Variants in MAGI2 observed in about 807,000 individuals in gnomAD.
MAGI2 encodes membrane-associated guanylate kinase, WW and PDZ domain-containing protein 2.
Under a neutral mutation model 133.3 loss-of-function variants are expected in MAGI2, and 35 were observed. The ratio of observed to expected loss-of-function variants is 0.26; its 90% CI spans 0.20 to 0.35. MAGI2 has a LOEUF of 0.35. MAGI2 is among the 10% of genes least tolerant of loss of function. The pLI, the probability that MAGI2 is intolerant of heterozygous loss-of-function variation, is 1.00. For synonymous variants in MAGI2, 729 were observed against 710.6 expected (o/e 1.03, Z -0.41); for missense variants, 1,636 against 1,863.4 (o/e 0.88, Z 2.25).
At chr7:79,140,120 G>A (rs778424386) in intron 1 of MAGI2, among the ~76,000 whole-genome samples, 1 of 152,070 alleles carries the variant, frequency 6.6e-6, no homozygotes, top group African/African-American at 2.4e-5. Context: ...TCTTTAAATA[G>A]GTCATTTGAT....
intron 6 of MAGI2, among the ~76,000 whole-genome samples, chr7:78,437,090 T>C (rs1037058418): frequency 7.7e-6 from 1 of 130,564 alleles, no homozygotes; most frequent in Non-Finnish European, 1.8e-5. Context: ...GAAAATTCCC[T>C]ATCATAATGG....
At chr7:78,810,530 T>G (rs528122001) in intron 2 of MAGI2, among the ~76,000 whole-genome samples, 2 of 152,264 alleles carry the variant, frequency 1.3e-5, no homozygotes, top group African/African-American at 4.8e-5. Flanking sequence ...TATTAGTGCA[T>G]TGGTAGGAAA....
chr7:78,557,987 TA>T (rs1316773134), intron 3 of MAGI2, among the ~76,000 whole-genome samples: 1 of 151,326 alleles, frequency 6.6e-6, no homozygotes, highest in Non-Finnish European at 1.5e-5. Context: ...TTTTTTTTTT[TA>T]AAAAATAGTT....
At chr7:78,050,177 C>T (rs886088604) in intron 21 of MAGI2, among the ~76,000 whole-genome samples, 1 of 152,134 alleles carries the variant, frequency 6.6e-6, no homozygotes, top group Non-Finnish European at 1.5e-5. Context: ...CTAGCTATTA[C>T]GTATGTATTA....
intron 1 of MAGI2, among the ~76,000 whole-genome samples, chr7:79,243,655 T>C (rs983639920): frequency 1.3e-5 from 2 of 152,216 alleles, no homozygotes; most frequent in African/African-American, 2.4e-5. Context: ...GGGTAGGGGA[T>C]TGGTAAATGA....
intron 10 of MAGI2, among the ~76,000 whole-genome samples, chr7:78,223,912 A>G (rs969621471): frequency 3.3e-5 from 5 of 152,220 alleles, no homozygotes; most frequent in African/African-American, 1.2e-4. Context: ...CCAGGCATGT[A>G]GGGCACTTTT....
chr7:79,289,137 T>C (rs1836262131), intron 1 of MAGI2, among the ~76,000 whole-genome samples: 1 of 152,082 alleles, frequency 6.6e-6, no homozygotes, highest in East Asian at 1.9e-4. Flanking sequence ...GGGCTAAGAG[T>C]GGAACATCCA....
At chr7:78,988,615 A>G (rs1253559397) in intron 2 of MAGI2, among the ~76,000 whole-genome samples, 1 of 152,110 alleles carries the variant, frequency 6.6e-6, no homozygotes, top group Non-Finnish European at 1.5e-5. Context: ...TAAGCTAGCT[A>G]TTGAAAGAGA....
chr7:78,643,576 T>TA (rs1252917827), intron 2 of MAGI2, among the ~76,000 whole-genome samples: 1 of 152,106 alleles, frequency 6.6e-6, no homozygotes, highest in African/African-American at 2.4e-5. Context: ...GTTATTAAGA[T>TA]ACACACAATT....
At chr7:78,181,550 G>A (rs1041764375) in intron 13 of MAGI2, among the ~76,000 whole-genome samples, 1 of 152,166 alleles carries the variant, frequency 6.6e-6, no homozygotes, top group African/African-American at 2.4e-5. Flanking sequence ...GCATTCTTTG[G>A]ATATTAGTGT....
intron 1 of MAGI2, among the ~76,000 whole-genome samples, chr7:79,089,199 A>C (rs112375824): frequency 0.045 from 6,888 of 152,226 alleles, 243 homozygotes; most frequent in African/African-American, 0.088. Context: ...AAACATATGA[A>C]AAAAAGCTCA....
chr7:79,277,781 C>T (rs986660906), intron 1 of MAGI2, among the ~76,000 whole-genome samples: 8 of 152,138 alleles, frequency 5.3e-5, no homozygotes, highest in African/African-American at 1.4e-4. Flanking sequence ...ACTCCTTTCT[C>T]TGTCTCCTTG....
chr7:78,822,047 C>T (rs1337119628), intron 2 of MAGI2, among the ~76,000 whole-genome samples: 7 of 151,972 alleles, frequency 4.6e-5, no homozygotes, highest in Admixed American at 1.3e-4. Flanking sequence ...GCAACATGGG[C>T]AGATATTTTC....
intron 10 of MAGI2, among the ~76,000 whole-genome samples, chr7:78,203,661 G>C (rs1395238501): frequency 1.3e-5 from 2 of 152,212 alleles, no homozygotes; most frequent in African/African-American, 4.8e-5. Context: ...TTGTTAAAAA[G>C]AAGTTGCGTG....
At chr7:78,064,997 C>T (rs972757131) in intron 21 of MAGI2, among the ~76,000 whole-genome samples, 1 of 151,840 alleles carries the variant, frequency 6.6e-6, no homozygotes, top group Admixed American at 6.6e-5. Flanking sequence ...AAAATAGTCA[C>T]AATTGGGCCC....
At chr7:79,016,397 G>A (rs1808735467) in intron 1 of MAGI2, among the ~76,000 whole-genome samples, 2 of 152,092 alleles carry the variant, frequency 1.3e-5, no homozygotes, top group African/African-American at 4.8e-5. Context: ...AATCTAGGTT[G>A]TGGTAGCCTC....
At chr7:78,441,778 A>T (rs1213993089) in intron 6 of MAGI2, among the ~76,000 whole-genome samples, 4 of 152,198 alleles carry the variant, frequency 2.6e-5, no homozygotes, top group South Asian at 4.1e-4. Context: ...GTCTGGGGAG[A>T]AGGAAGTACT....
chr7:78,375,273 T>G (rs1467213228), intron 6 of MAGI2, among the ~76,000 whole-genome samples: 1 of 152,190 alleles, frequency 6.6e-6, no homozygotes, highest in African/African-American at 2.4e-5. Flanking sequence ...CATGTTTAAA[T>G]GCAGCTGCAT....
chr7:78,665,472 T>C (rs1384537732), intron 2 of MAGI2, among the ~76,000 whole-genome samples: 1 of 152,180 alleles, frequency 6.6e-6, no homozygotes, highest in Non-Finnish European at 1.5e-5. Context: ...CTTTGCCTGA[T>C]CGCACATTGT....
Sources: gnomAD v4.1 joint callset for allele counts (sites outside exome capture counted in the v4.1 genomes callset) on GRCh38, gnomAD v4.1.1 for gene constraint, MANE v1.5 for transcripts, NCBI Gene and HGNC (gene_info 2026-07-23, HGNC 2026-07-21) for gene names.